The following GRIN2B variants were observed in gnomAD, a reference collection of about 807,000 sequenced individuals.
The protein encoded by GRIN2B is glutamate ionotropic receptor NMDA type subunit 2B.
In GRIN2B, 5 loss-of-function variants were observed where a neutral mutation model predicts 114.5. The ratio of observed to expected loss-of-function variants is 0.04; its 90% CI spans 0.02 to 0.09. The LOEUF (loss-of-function observed/expected upper bound fraction) is 0.09. GRIN2B is among the 10% of genes least tolerant of loss of function. The probability of loss-of-function intolerance (pLI) is 1.00; values close to 1 mark genes in which losing one functional copy is unlikely to be tolerated. For missense variants in GRIN2B, 1,108 were observed against 1,943.5 expected, an observed-to-expected ratio of 0.57 and a Z score of 8.08; for synonymous variants, 787 against 745.1, an observed-to-expected ratio of 1.06 and a Z score of -0.92.
chr12:13,813,660 C>A (rs908714088), intron 3 of GRIN2B, among the ~76,000 whole-genome samples: 3 of 152,160 alleles, frequency 2.0e-5, no homozygotes, highest in Non-Finnish European at 4.4e-5. Context: ...AAGGCGCTTG[C>A]CAGAGGTCAT....
chr12:13,616,139 T>C (rs1270533230), intron 6 of GRIN2B, among the ~76,000 whole-genome samples: 1 of 152,196 alleles, frequency 6.6e-6, no homozygotes, highest in Non-Finnish European at 1.5e-5. Flanking sequence ...TTCTGGGACA[T>C]GCTGGCCCAA....
chr12:13,572,865 T>C (rs540702066), intron 10 of GRIN2B, among the ~76,000 whole-genome samples: 1 of 152,344 alleles, frequency 6.6e-6, no homozygotes, highest in East Asian at 1.9e-4. Context: ...CTTTCTTCCA[T>C]CAAGTCTACC....
intron 2 of GRIN2B, among the ~76,000 whole-genome samples, chr12:13,892,517 A>G (rs1866281091): frequency 6.6e-6 from 1 of 152,226 alleles, no homozygotes; most frequent in African/African-American, 2.4e-5. Context: ...GTGAGCACCC[A>G]AGATTCCTGG....
At chr12:13,844,808 A>AT (rs1446571229) in intron 3 of GRIN2B, among the ~76,000 whole-genome samples, 1 of 152,214 alleles carries the variant, frequency 6.6e-6, no homozygotes, top group Non-Finnish European at 1.5e-5. Context: ...TGAGTATCAA[A>AT]TTAAGGTAAA....
intron 2 of GRIN2B, among the ~76,000 whole-genome samples, chr12:13,965,602 T>C (rs942431125): frequency 6.6e-6 from 1 of 152,058 alleles, no homozygotes; most frequent in Admixed American, 6.5e-5. Context: ...TGTATGTTAG[T>C]TACCAGTTCC....
chr12:13,807,674 A>C (rs1375117906), intron 3 of GRIN2B, among the ~76,000 whole-genome samples: 1 of 147,802 alleles, frequency 6.8e-6, no homozygotes, highest in African/African-American at 2.5e-5. Context: ...TCCTTGTTTC[A>C]GAATATTACA....
At chr12:13,925,554 C>G (rs1228612129) in intron 2 of GRIN2B, among the ~76,000 whole-genome samples, 1 of 152,102 alleles carries the variant, frequency 6.6e-6, no homozygotes, top group African/African-American at 2.4e-5. Context: ...TTTATCTCTC[C>G]CTGGACAGTG....
At chr12:13,860,650 GA>G (rs1865738062) in intron 3 of GRIN2B, among the ~76,000 whole-genome samples, 2 of 152,124 alleles carry the variant, frequency 1.3e-5, no homozygotes, top group African/African-American at 4.8e-5. Flanking sequence ...AGAAAGGAAA[GA>G]ATCATAGCAA....
chr12:13,705,607 A>G (rs1246304754), intron 4 of GRIN2B, among the ~76,000 whole-genome samples: 1 of 152,162 alleles, frequency 6.6e-6, no homozygotes, highest in African/African-American at 2.4e-5. Context: ...ACCTGGCTGT[A>G]ACACCAGTCA....
chr12:13,685,246 C>T (rs893412971), intron 4 of GRIN2B, among the ~76,000 whole-genome samples: 3 of 152,184 alleles, frequency 2.0e-5, no homozygotes, highest in Admixed American at 1.3e-4. Flanking sequence ...GAAATATCTC[C>T]ATACACACAG....
chr12:13,618,650 T>A (rs1013048365), intron 5 of GRIN2B, among the ~76,000 whole-genome samples: 5 of 152,190 alleles, frequency 3.3e-5, no homozygotes, highest in African/African-American at 1.2e-4. Flanking sequence ...TCTCTCACTG[T>A]CCTCAGAATT....
chr12:13,607,303 TATTATATATA>T, intron 10 of GRIN2B, among the ~76,000 whole-genome samples: 1 of 75,006 alleles, frequency 1.3e-5, no homozygotes, highest in Non-Finnish European at 2.4e-5. Flanking sequence ...TAAAAATATA[TATTATATATA>T]ATATAAAATA....
chr12:13,573,233 C>T lies in GRIN2B; in HGVS notation c.2011-1269G>A, dbSNP rs539002880. On this transcript the variant is annotated intron_variant, in intron 10 of 13. Coordinates refer to ENST00000609686, the MANE Select transcript of GRIN2B (RefSeq NM_000834.5). Reference sequence around the variant, plus strand: ...TTGGGAGGCCGAGGCGGGCGGATCACGAGGTCAGGAGATCGAGACCATCCT... The same window carrying T: ...TTGGGAGGCCGAGGCGGGCGGATCATGAGGTCAGGAGATCGAGACCATCCT... Among the ~76,000 whole-genome samples the T allele has an allele frequency of 2.7e-3, 408 of 149,320 alleles. 43 individuals carry two copies. Among genetic ancestry groups the T allele is most frequent in the African/African-American group, 9.5e-3 (383 of 40,138 alleles).
chr12:13,831,699 T>C (rs1050115376), intron 3 of GRIN2B, among the ~76,000 whole-genome samples: 1 of 152,208 alleles, frequency 6.6e-6, no homozygotes, highest in Non-Finnish European at 1.5e-5. Flanking sequence ...ACCAATGTCA[T>C]AGGCCCCTTG....
intron 2 of GRIN2B, among the ~76,000 whole-genome samples, chr12:13,972,496 A>G (rs924552553): frequency 2.8e-5 from 3 of 108,300 alleles, no homozygotes; most frequent in Admixed American, 1.1e-4. Context: ...AAAACCTAAC[A>G]TTTTTAAAGA....
At chr12:13,746,175 G>A (rs935491949) in intron 4 of GRIN2B, among the ~76,000 whole-genome samples, 4 of 152,142 alleles carry the variant, frequency 2.6e-5, no homozygotes, top group African/African-American at 4.8e-5. Context: ...GTCTCTCGAG[G>A]ACATTTGCAT....
At chr12:13,897,359 A>T (rs1437359308) in intron 2 of GRIN2B, among the ~76,000 whole-genome samples, 1 of 152,188 alleles carries the variant, frequency 6.6e-6, no homozygotes, top group Non-Finnish European at 1.5e-5. Context: ...CCCCTGCTTC[A>T]CCGGTAAAGC....
intron 3 of GRIN2B, among the ~76,000 whole-genome samples, chr12:13,840,951 A>G (rs1042939192): frequency 9.9e-5 from 15 of 152,216 alleles, no homozygotes; most frequent in African/African-American, 3.6e-4. Context: ...CCTCACTATG[A>G]GTATGAATAA....
rs1430561162 is a variant in GRIN2B, at chr12:13,598,529, G to A, written c.2010+10074C>T. On this transcript the variant is annotated intron_variant, in intron 10 of 13. Coordinates refer to ENST00000609686, the MANE Select transcript of GRIN2B (RefSeq NM_000834.5). ...CTTCTCCATTCTAACTGCAGGGGGT[G>A]GATACCAAGCTCTCTAGATGACACC... 2.6e-5 allele frequency among the ~76,000 whole-genome samples: 4 copies of A among 152,084 alleles called. No homozygotes were observed. The East Asian group carries it at 5.8e-4, about 22-fold the overall frequency.
Sources: allele counts gnomAD v4.1 joint callset (sites outside exome capture counted in the v4.1 genomes callset), GRCh38; gene constraint gnomAD v4.1.1; transcripts MANE v1.5; gene names NCBI Gene and HGNC (gene_info 2026-07-23, HGNC 2026-07-21).